TMPRSS6: variants seen among roughly 807,000 people sequenced by gnomAD.
TMPRSS6 encodes the protein transmembrane serine protease 6.
TMPRSS6 carries 67 observed loss-of-function variants against 101.5 expected under a neutral mutation model. The ratio of observed to expected loss-of-function variants is 0.66; its 90% CI spans 0.54 to 0.81. The LOEUF is 0.81. Ranked by LOEUF, TMPRSS6 falls within the 30% of genes least tolerant of loss-of-function variation. The probability of loss-of-function intolerance (pLI) is 0.00; values close to 1 mark genes in which losing one functional copy is unlikely to be tolerated. For synonymous variants in TMPRSS6, 453 were observed against 464.9 expected, an observed-to-expected ratio of 0.97 and a Z score of 0.33; for missense variants, 1,034 against 1,088.7, an observed-to-expected ratio of 0.95 and a Z score of 0.71.
chr22:37,091,726 C>G (rs1314556525), intron 6 of TMPRSS6, among the ~76,000 whole-genome samples: 1 of 152,226 alleles, frequency 6.6e-6, no homozygotes, highest in East Asian at 1.9e-4. Flanking sequence ...TGTTCACTAC[C>G]TCTGGGTAGT....
Position 37,074,664 on chromosome 22 carries a change from G to A in TMPRSS6, c.1387C>T (p.Pro463Ser), listed in dbSNP as rs1229317361. The A allele has an allele frequency of 3.1e-6, 5 of 1,614,040 alleles. No homozygotes were observed. The African/African-American group carries it at 4.0e-5, about 13-fold the overall frequency. The stretch of plus-strand genomic sequence containing the variant: ...CAGTCCTTGACCCCATCACAGGCAG[G>A]GACACAGAGTCCATTCACAGAACAG... The part of the protein sequence containing the change: ...FLCSVNGLCV[P>S]ACDGVKDCPN... The change falls in exon 12 of 18, where the codon CCT becomes TCT. Residue 463 changes from proline to serine, a missense_variant. Pro to Ser is a moderately conservative substitution (Grantham distance 74). Transcript: ENST00000676104.
At position 37,069,091 on chromosome 22, in the gene TMPRSS6, C is replaced by G; in HGVS notation, c.2095G>C (p.Gly699Arg). The G allele has an allele frequency of 6.5e-7, 1 of 1,547,148 alleles. No homozygotes were observed. The highest frequency in any genetic ancestry group is 8.7e-7 in the Non-Finnish European group (1 of 1,150,762). Residue 699 changes from glycine to arginine, a missense_variant, in exon 16 of 18, where the codon GGC (glycine) becomes CGC (arginine). Physicochemically the swap from Gly to Arg is moderately radical, Grantham distance 125. Coordinates refer to ENST00000676104, the MANE Select transcript of TMPRSS6 (RefSeq NM_001374504.1). The surrounding 1 kb of genome is among the most constrained non-coding windows in gnomAD (Gnocchi z 4.8). ...TGCTCACCGCCCTCGCGCAAGGCGCCCCAGCCCGTAATCCAGCAGTGCAGG... is the reference window on the plus strand; with the variant it reads ...TGCTCACCGCCCTCGCGCAAGGCGCGCCAGCCCGTAATCCAGCAGTGCAGG... ...PGLHCWITGW[G>R]ALREGGPISN...
rs964576902 is a variant in TMPRSS6 at position 37,095,946 on chromosome 22, C to T, written c.549G>A (p.Arg183=). 4.3e-6 allele frequency: 7 copies of T among 1,614,178 alleles called. No homozygotes were observed. The highest frequency in any genetic ancestry group is 5.9e-6 in the Non-Finnish European group (7 of 1,180,034). The change falls in exon 5 of 18, where the codon AGG becomes AGA. Residue 183 remains arginine, a synonymous_variant. Transcript: ENST00000676104. ...CCTCGGGGTCCACTTCGTACTCGGC[C>T]CTGTAGGGGACGGCAGCCGAGCTGT... is the stretch of plus-strand genomic sequence containing the variant. The part of the protein sequence containing the change: ...TVNSSAAVPY[R]AEYEVDPEGL...
At chr22:37,094,801 C>G (rs1206662357) in intron 6 of TMPRSS6, among the ~76,000 whole-genome samples, 2 of 152,198 alleles carry the variant, frequency 1.3e-5, no homozygotes, top group Non-Finnish European at 2.9e-5. Context: ...TAAACTCTGC[C>G]TCCCTCCCTG....
intron 7 of TMPRSS6, among the ~76,000 whole-genome samples, chr22:37,086,642 G>A (rs531646642): frequency 1.3e-5 from 2 of 152,242 alleles, no homozygotes; most frequent in Non-Finnish European, 2.9e-5. Context: ...CTAGCTCCTC[G>A]GGTGAGAGAG....
At chr22:37,068,892 T>C (rs1244554965) in intron 16 of TMPRSS6, among the ~76,000 whole-genome samples, 181 bp downstream of exon 16, 1 of 152,236 alleles carries the variant, frequency 6.6e-6, no homozygotes. Flanking sequence ...GGCAGGGGCC[T>C]ACAGGCCGCA....
chr22:37,069,819 T>G lies in TMPRSS6; in HGVS notation c.1842-475A>C, dbSNP rs1926719978. 6.6e-6 allele frequency among the ~76,000 whole-genome samples: 1 copy of G among 152,158 alleles called. No individual in the cohort carries two copies. On this transcript the variant is annotated intron_variant, in intron 15 of 17. Coordinates refer to ENST00000676104, the MANE Select transcript of TMPRSS6 (RefSeq NM_001374504.1). The surrounding 1 kb of genome is among the most constrained non-coding windows in gnomAD (Gnocchi z 4.8). ...GCGTGGAGGAATTGGACTGCGGCAGTCAGCTGCCTGGGTGGCAGATGGGCA... is the reference window on the plus strand; with the variant it reads ...GCGTGGAGGAATTGGACTGCGGCAGGCAGCTGCCTGGGTGGCAGATGGGCA...
chr22:37,069,041 T>G lies in TMPRSS6; in HGVS notation c.2113+32A>C. On this transcript the variant is annotated intron_variant, in intron 16 of 17. Coordinates refer to ENST00000676104, the MANE Select transcript of TMPRSS6 (RefSeq NM_001374504.1). This position sits in a 1 kb window ranked among gnomAD's most constrained non-coding sequence, Gnocchi z 4.8. ...ACGGCGCAGATCCGCACGGTCTCCC[T>G]CCGCCTCCCGCCGCAAGTCCCCGCT... is the stretch of plus-strand genomic sequence containing the variant. The G allele has an allele frequency of 6.5e-7, 1 of 1,533,892 alleles. No individual in the cohort carries two copies.
At chr22:37,096,574 A>G (rs910020493) in intron 4 of TMPRSS6, 74 bp downstream of exon 4, 1 of 1,478,758 alleles carries the variant, frequency 6.8e-7, no homozygotes, top group Non-Finnish European at 9.3e-7. Context: ...TTGCATCAGA[A>G]GCCTACAGAG....
chr22:37,108,671 G>A (rs1930866309), intron 1 of TMPRSS6, among the ~76,000 whole-genome samples: 1 of 152,216 alleles, frequency 6.6e-6, no homozygotes, highest in Admixed American at 6.5e-5. Flanking sequence ...GCTGGGCAGT[G>A]CTGCAAACTC....
At position 37,069,259 on chromosome 22, in the gene TMPRSS6, T is replaced by C; in HGVS notation, c.1927A>G (p.Ser643Gly). The C allele has an allele frequency of 6.2e-7, 1 of 1,605,698 alleles. No homozygotes were observed. Among genetic ancestry groups the C allele is most frequent in the Non-Finnish European group, 8.5e-7 (1 of 1,176,818 alleles). ...TGGTACGGGTGCAGGAGCAGGCGGC[T>C]CACCTTGAAGGACACCTCTCCAGGC... ...RWPGEVSFKV[S>G]RLLLHPYHEE... is the part of the protein sequence containing the mutation. The change falls in exon 16 of 18, where the codon AGC (serine) becomes GGC (glycine). Residue 643 changes from serine to glycine, a missense_variant. By Grantham distance (56) the Ser-to-Gly change is moderately conservative. Coordinates refer to ENST00000676104, the MANE Select transcript of TMPRSS6 (RefSeq NM_001374504.1). The surrounding 1 kb of genome is among the most constrained non-coding windows in gnomAD (Gnocchi z 4.8).
Position 37,066,095 on chromosome 22 carries a change from C to T in TMPRSS6, c.2394G>A (p.Gln798=). 1 of 1,613,602 alleles carries T rather than the reference C, an allele frequency of 6.2e-7. No individual in the cohort carries two copies. Among genetic ancestry groups the T allele is most frequent in the African/African-American group, 1.3e-5 (1 of 75,064 alleles). ...GGGCAGTTCCTCAGGTCACCACTTG[C>T]TGGATCCAGCTGATCACACCTGTGA... ...TRITGVISWI[Q]QVVT is the part of the protein sequence containing the mutation. Residue 798 remains glutamine (Q), a synonymous_variant, in exon 18 of 18, where the codon CAG becomes CAA. Coordinates refer to ENST00000676104, the MANE Select transcript of TMPRSS6 (RefSeq NM_001374504.1).
intron 2 of TMPRSS6, 91 bp from the exon 3 acceptor site, chr22:37,098,640 C>T: frequency 1.3e-6 from 2 of 1,583,754 alleles, no homozygotes; most frequent in Non-Finnish European, 1.7e-6. Context: ...CCCACACCCT[C>T]AGCTCAGCCT....
At chr22:37,108,223 T>A (rs1930834998) in intron 1 of TMPRSS6, among the ~76,000 whole-genome samples, 1 of 152,164 alleles carries the variant, frequency 6.6e-6, no homozygotes, top group South Asian at 2.1e-4. Context: ...CAGTGCTTGT[T>A]CACGGCCAGG....
intron 6 of TMPRSS6, among the ~76,000 whole-genome samples, 160 bp downstream of exon 6, chr22:37,095,391 T>C (rs939522529): frequency 3.3e-5 from 5 of 152,122 alleles, no homozygotes; most frequent in African/African-American, 4.8e-5. Context: ...AAGACTTGCT[T>C]GGGACACATC....
intron 1 of TMPRSS6, among the ~76,000 whole-genome samples, chr22:37,108,734 G>C (rs945294609): frequency 7.2e-5 from 11 of 152,196 alleles, no homozygotes; most frequent in African/African-American, 2.7e-4. Context: ...CTATTTAATG[G>C]CTGGGGAAAC....
intron 6 of TMPRSS6, among the ~76,000 whole-genome samples, chr22:37,093,390 T>TC (rs1929445152): frequency 2.3e-5 from 1 of 42,976 alleles, no homozygotes; most frequent in African/African-American, 1.1e-4. Flanking sequence ...CTTTCTTTTT[T>TC]TTTTTTTTTT....
In TMPRSS6 at chr22:37,102,271, G is replaced by A. The variant is rs80140288; in HGVS notation, c.202+945C>T. The stretch of plus-strand genomic sequence containing the variant: ...CTCAGCTTCCTCTGTCCCATCACAT[G>A]CTATGCTTTAGCGTAAATGTCAGGT... On this transcript the variant is annotated intron_variant, in intron 2 of 17. Transcript: ENST00000676104. 6.8e-3 allele frequency among the ~76,000 whole-genome samples: 1,038 copies of A among 152,348 alleles called. 4 individuals are homozygous for A. The highest frequency in any genetic ancestry group is 0.011 in the Non-Finnish European group (734 of 68,040).
In TMPRSS6 at chr22:37,089,561, C is replaced by CACCAAA; in HGVS notation, c.836+16_836+17insTTTGGT. ...CTTTTCCAGCCCTCCCTCCTGCCCTCCTTCCCAGGGACTCACGAGGTGATG... is the reference window on the plus strand; with the variant it reads ...CTTTTCCAGCCCTCCCTCCTGCCCTCACCAAACTTCCCAGGGACTCACGAGGTGATG... On this transcript the variant is annotated intron_variant, in intron 7 of 17. Transcript: ENST00000676104. The CACCAAA allele has an allele frequency of 6.4e-7, 1 of 1,566,308 alleles. No homozygotes were observed. Among genetic ancestry groups the CACCAAA allele is most frequent in the African/African-American group, 1.4e-5 (1 of 73,484 alleles).
Sources: allele counts gnomAD v4.1 joint callset (sites outside exome capture counted in the v4.1 genomes callset), GRCh38; gene constraint gnomAD v4.1.1; non-coding constraint Gnocchi (gnomAD v3.1); transcripts MANE v1.5; gene names NCBI Gene and HGNC (gene_info 2026-07-23, HGNC 2026-07-21).